Variants in STK38 observed in about 807,000 individuals in gnomAD.
STK38 encodes the protein serine/threonine kinase 38, also known as serine/threonine-protein kinase 38.
In STK38, 26 loss-of-function variants were observed where a neutral mutation model predicts 59.0. The observed-to-expected ratio is 0.44, with a 90% confidence interval of 0.32 to 0.61. STK38 has a LOEUF of 0.61. STK38 is among the 20% of genes least tolerant of loss of function. The pLI, the probability that STK38 is intolerant of heterozygous loss-of-function variation, is 0.04. For synonymous variants in STK38, 175 were observed against 176.6 expected (o/e 0.99, Z 0.07); for missense variants, 433 against 566.0 (o/e 0.76, Z 2.38).
chr6:36,542,625 C>T (rs1777965766), intron 1 of STK38, among the ~76,000 whole-genome samples: 1 of 149,508 alleles, frequency 6.7e-6, no homozygotes, highest in Non-Finnish European at 1.5e-5. Flanking sequence ...GACTGGGCTA[C>T]ACAGCGAGAC....
chr6:36,507,119 C>T (rs1248826959), intron 8 of STK38, among the ~76,000 whole-genome samples: 9 of 152,160 alleles, frequency 5.9e-5, no homozygotes, highest in Non-Finnish European at 1.2e-4. Flanking sequence ...TTTCATAGTG[C>T]TCAAATGGAA....
At chr6:36,514,716 G>A (rs1777206456) in intron 7 of STK38, among the ~76,000 whole-genome samples, 1 of 151,544 alleles carries the variant, frequency 6.6e-6, no homozygotes, top group African/African-American at 2.4e-5. Context: ...GCGTGGTGGT[G>A]CATGCCTGTA....
intron 5 of STK38, 41 bp from the exon 6 acceptor site, chr6:36,517,881 G>C (rs1371028012): frequency 6.2e-7 from 1 of 1,605,248 alleles, no homozygotes; most frequent in African/African-American, 1.3e-5. Flanking sequence ...AGCTTGCTCT[G>C]CTTTATTAGA....
chr6:36,498,589 C>CTTTTTTTTTTTTTTTTTTTTTTT, intron 10 of STK38, 103 bp from the exon 11 acceptor site: 1 of 935,790 alleles, frequency 1.1e-6, no homozygotes, highest in Non-Finnish European at 1.5e-6. Flanking sequence ...TTTCTTTTTT[C>CTTTTTTTTTTTTTTTTTTTTTTT]TTTTTTTTTT....
At chr6:36,542,672 C>T (rs1212300147) in intron 1 of STK38, among the ~76,000 whole-genome samples, 3 of 151,608 alleles carry the variant, frequency 2.0e-5, no homozygotes, top group African/African-American at 7.3e-5. Context: ...CGGCTGAGCG[C>T]GGTGGCTCAC....
intron 5 of STK38, among the ~76,000 whole-genome samples, chr6:36,521,142 G>C (rs1777366315): frequency 6.6e-6 from 1 of 152,078 alleles, no homozygotes; most frequent in Non-Finnish European, 1.5e-5. Flanking sequence ...TGCAAACCAG[G>C]TTTTGGTTTT....
intron 7 of STK38, 91 bp downstream of exon 7, chr6:36,515,247 C>T: frequency 6.9e-7 from 1 of 1,451,696 alleles, no homozygotes; most frequent in Non-Finnish European, 9.2e-7. Context: ...CACAGCTCGC[C>T]CACTGGGATG....
chr6:36,528,592 C>G (rs1244019181), intron 2 of STK38, among the ~76,000 whole-genome samples: 8 of 152,112 alleles, frequency 5.3e-5, no homozygotes, highest in Non-Finnish European at 1.2e-4. Flanking sequence ...TCTATGCGTG[C>G]ACATGTATTA....
intron 2 of STK38, among the ~76,000 whole-genome samples, chr6:36,538,525 T>C (rs1161909633): frequency 6.6e-6 from 1 of 152,190 alleles, no homozygotes; most frequent in African/African-American, 2.4e-5. Context: ...CCAAAAAGTA[T>C]AAATACTGAA....
At chr6:36,500,109 A>ATGCTCAAAATGGCTTTGC in intron 9 of STK38, 119 bp from the exon 10 acceptor site, 5 of 743,708 alleles carry the variant, frequency 6.7e-6, no homozygotes, top group Admixed American at 2.0e-5. Context: ...AATAAGCAGG[A>ATGCTCAAAATGGCTTTGC]CTGCCCAGTA....
At chr6:36,518,190 A>G (rs1582431970) in intron 5 of STK38, among the ~76,000 whole-genome samples, 1 of 152,224 alleles carries the variant, frequency 6.6e-6, no homozygotes, top group African/African-American at 2.4e-5. Flanking sequence ...TATGATAAAA[A>G]TAAGTCCCCA....
chr6:36,538,020 A>G (rs979370791), intron 2 of STK38, among the ~76,000 whole-genome samples: 6 of 151,894 alleles, frequency 4.0e-5, no homozygotes, highest in African/African-American at 1.4e-4. Flanking sequence ...CAAAATCACA[A>G]CCAGGCACGG....
chr6:36,509,291 C>T (rs1200495845), intron 7 of STK38, among the ~76,000 whole-genome samples: 1 of 152,172 alleles, frequency 6.6e-6, no homozygotes, highest in Non-Finnish European at 1.5e-5. Flanking sequence ...ATCCTGACAT[C>T]TGTGCAGCCC....
At position 36,495,723 on chromosome 6, in the gene STK38, G is replaced by C; in HGVS notation, c.*61C>G. ...TCTTGGAAGCTCTTCAAGAGTGTGA[G>C]AGGAAAAGCATGATGTTATACAAAG... On this transcript the variant is annotated 3_prime_UTR_variant, in exon 14 of 14. Coordinates refer to ENST00000229812, the MANE Select transcript of STK38 (RefSeq NM_007271.4). 6.2e-7 allele frequency: 1 copy of C among 1,605,120 alleles called. No individual in the cohort carries two copies. Among genetic ancestry groups the C allele is most frequent in the Non-Finnish European group, 8.5e-7 (1 of 1,174,062 alleles).
intron 7 of STK38, among the ~76,000 whole-genome samples, chr6:36,512,870 A>C (rs1777146761): frequency 6.6e-6 from 1 of 151,892 alleles, no homozygotes; most frequent in Non-Finnish European, 1.5e-5. Context: ...ATGTTGTCCA[A>C]GCTGGTCTCC....
At chr6:36,500,487 A>T (rs1455004975) in intron 9 of STK38, among the ~76,000 whole-genome samples, 2 of 151,954 alleles carry the variant, frequency 1.3e-5, no homozygotes, top group Non-Finnish European at 2.9e-5. Flanking sequence ...TCTGGCCGGG[A>T]GTGGTGGTTC....
chr6:36,527,207 A>AAATATATATATAT lies in STK38; in HGVS notation c.132-1566_132-1565insATATATATATATT, dbSNP rs60162863. 9.2e-5 allele frequency among the ~76,000 whole-genome samples: 11 copies of AAATATATATATAT among 119,350 alleles called. No individual in the cohort carries two copies. In the East Asian group the frequency reaches 9.8e-4, roughly 11 times the overall value. The allele number at this position is 119,350 out of a possible 152,430, so 78.3% of individuals were successfully genotyped here. On this transcript the variant is annotated intron_variant, in intron 2 of 13. Coordinates refer to ENST00000229812, the MANE Select transcript of STK38 (RefSeq NM_007271.4). ...ACTCCGTCTCAAAAAAAAAAAAAAAAATATATGTATATATATATATATTTA... is the reference window on the plus strand; with the variant it reads ...ACTCCGTCTCAAAAAAAAAAAAAAAAAATATATATATATATATATGTATATATATATATATTTA...
At position 36,495,738 on chromosome 6, in the gene STK38, G is replaced by A. The variant is rs1191955301; in HGVS notation, c.*46C>T. On this transcript the variant is annotated 3_prime_UTR_variant, in exon 14 of 14. Transcript: ENST00000229812. The stretch of plus-strand genomic sequence containing the variant: ...AAGAGTGTGAGAGGAAAAGCATGAT[G>A]TTATACAAAGAACTCTGCTCCACAT... 1 of 1,611,010 alleles carries A rather than the reference G, an allele frequency of 6.2e-7. No individual in the cohort carries two copies. The highest frequency in any genetic ancestry group is 8.5e-7 in the Non-Finnish European group (1 of 1,178,194).
intron 9 of STK38, among the ~76,000 whole-genome samples, chr6:36,503,617 T>C (rs1405839389): frequency 6.6e-6 from 1 of 152,198 alleles, no homozygotes; most frequent in Non-Finnish European, 1.5e-5. Flanking sequence ...AGATGAGGTT[T>C]ACTCTACCAA....
Sources: gnomAD v4.1 joint callset for allele counts (sites outside exome capture counted in the v4.1 genomes callset) on GRCh38, gnomAD v4.1.1 for gene constraint, MANE v1.5 for transcripts, NCBI Gene and HGNC (gene_info 2026-07-23, HGNC 2026-07-21) for gene names.